Variants in DNMT3A observed in about 807,000 individuals in gnomAD.
The protein encoded by DNMT3A is DNA methyltransferase 3 alpha, also known as DNA (cytosine-5)-methyltransferase 3A.
A neutral mutation model predicts 117.6 loss-of-function variants in DNMT3A; 267 were observed. The ratio of observed to expected loss-of-function variants is 2.27; its 90% confidence interval spans 2.05 to 2.51. DNMT3A has a LOEUF of 2.51. Among genes scored for constraint, DNMT3A ranks in the 30% most tolerant of loss-of-function variants. The pLI is 0.00. For missense variants in DNMT3A, 1,029 were observed against 1,260.2 expected (o/e 0.82, Z 2.78); for synonymous variants, 432 against 474.8 (o/e 0.91, Z 1.17).
chr2:25,287,574 G>A (rs530176619), intron 3 of DNMT3A, among the ~76,000 whole-genome samples: 3 of 152,228 alleles, frequency 2.0e-5, no homozygotes, highest in African/African-American at 7.2e-5. Flanking sequence ...GGTTAAGGCC[G>A]TAGTTCTCAA....
At chr2:25,256,280 G>A (rs1676130757) in intron 6 of DNMT3A, among the ~76,000 whole-genome samples, 2 of 152,090 alleles carry the variant, frequency 1.3e-5, no homozygotes, top group South Asian at 2.1e-4. Context: ...AGGCCCCCAC[G>A]AATCTGGAGG....
chr2:25,335,934 T>A (rs572440885), intron 1 of DNMT3A, among the ~76,000 whole-genome samples: 285 of 151,240 alleles, frequency 1.9e-3, no homozygotes, highest in Admixed American at 5.5e-3. Flanking sequence ...AGGACAGGAG[T>A]AGGCAACATA....
At chr2:25,267,418 T>G (rs2030460169) in intron 6 of DNMT3A, among the ~76,000 whole-genome samples, 1 of 151,978 alleles carries the variant, frequency 6.6e-6, no homozygotes, top group Non-Finnish European at 1.5e-5. Flanking sequence ...CTACAAAAAA[T>G]TTAAAAATTA....
Position 25,252,252 on chromosome 2 carries a change from AG to A in DNMT3A, c.640-4001del, listed in dbSNP as rs1675665180. On this transcript the variant is annotated intron_variant, in intron 6 of 22. Coordinates refer to ENST00000321117, the MANE Select transcript of DNMT3A (RefSeq NM_022552.5). This position sits in a 1 kb window ranked among gnomAD's most constrained non-coding sequence, Gnocchi z 5.5. ...GCTCAGGTGTGAGCCGCGGCCCTGAAGCTCTGGAAGTAGCTGCCCGTCTTGG... is the reference window on the plus strand; with the variant it reads ...GCTCAGGTGTGAGCCGCGGCCCTGAACTCTGGAAGTAGCTGCCCGTCTTGG... The A allele has an allele frequency of 7.2e-7, 1 of 1,390,678 alleles. No homozygotes were observed. Among genetic ancestry groups the A allele is most frequent in the South Asian group, 1.3e-5 (1 of 77,178 alleles). The allele number at this position is 1,390,678 out of a possible 1,614,324, so 86.1% of individuals were successfully genotyped here. A position where few individuals can be genotyped will look rare whatever the true frequency, so the allele number is the denominator to read the frequency against.
Position 25,242,157 on chromosome 2 carries a change from G to A in DNMT3A, c.1937-450C>T, listed in dbSNP as rs1674148278. On this transcript the variant is annotated intron_variant, in intron 16 of 22. Coordinates refer to ENST00000321117, the MANE Select transcript of DNMT3A (RefSeq NM_022552.5). Reference sequence around the variant, plus strand: ...TGCCCTGCCCCACCCAGTAGCCCCTGGAATCACCGCCCCCTCCGCTATGAG... The same window carrying A: ...TGCCCTGCCCCACCCAGTAGCCCCTAGAATCACCGCCCCCTCCGCTATGAG... 3 of 179,550 alleles carry A rather than the reference G, an allele frequency of 1.7e-5. No homozygotes were observed. In the South Asian group the frequency reaches 3.5e-4, roughly 21 times the overall value. 11.1% of individuals were successfully genotyped at this position (179,550 alleles called of 1,614,324 possible).
rs1674438806 is a variant in DNMT3A, at chr2:25,244,220, G to A, written c.1786C>T (p.Arg596Trp). 9 of 1,613,894 alleles carry A rather than the reference G, an allele frequency of 5.6e-6. No individual in the cohort carries two copies. Among genetic ancestry groups the A allele is most frequent in the African/African-American group, 1.3e-5 (1 of 74,938 alleles). The change falls in exon 15 of 23, where the codon CGG (arginine) becomes TGG (tryptophan). Residue 596 changes from arginine to tryptophan, a missense_variant. By Grantham distance (101) the Arg-to-Trp change is moderately radical (BLOSUM62 -3). Coordinates refer to ENST00000321117, the MANE Select transcript of DNMT3A (RefSeq NM_022552.5). ...CGGGAGGGCCAGTCCTCTCGCCGCCGCAGCAGCCCGTAGGTACCCTTGTGC... is the reference window on the plus strand; with the variant it reads ...CGGGAGGGCCAGTCCTCTCGCCGCCACAGCAGCCCGTAGGTACCCTTGTGC... ...CGHKGTYGLL[R>W]RREDWPSRLQ... is the part of the protein sequence containing the mutation.
Position 25,234,041 on chromosome 2 carries a change from T to C in DNMT3A, c.*238A>G. ...GGGAGGAAGGGAAGGGAGCTTGGTTTTGTTTTTAAATAGGACTGAAGAATA... is the reference window on the plus strand; with the variant it reads ...GGGAGGAAGGGAAGGGAGCTTGGTTCTGTTTTTAAATAGGACTGAAGAATA... On this transcript the variant is annotated 3_prime_UTR_variant, in exon 23 of 23. Transcript: ENST00000321117. This position sits in a 1 kb window ranked among gnomAD's most constrained non-coding sequence, Gnocchi z 4.5. The C allele has an allele frequency of 2.3e-6, 1 of 442,484 alleles. No homozygotes were observed. Among genetic ancestry groups the C allele is most frequent in the Non-Finnish European group, 3.6e-6 (1 of 275,104 alleles). 27.4% of individuals were successfully genotyped at this position (442,484 alleles called of 1,614,324 possible).
rs1393738980 is a variant in DNMT3A at position 25,232,078 on chromosome 2, C to CT, written c.*2200dup. The stretch of plus-strand genomic sequence containing the variant: ...ACCGAGGCTCAGCACACTAAGCCTG[C>CT]TTCCCCCACTCCCCACCCCATAATA... On this transcript the variant is annotated 3_prime_UTR_variant, in exon 23 of 23. Coordinates refer to ENST00000321117, the MANE Select transcript of DNMT3A (RefSeq NM_022552.5). This position sits in a 1 kb window ranked among gnomAD's most constrained non-coding sequence, Gnocchi z 4.1. 2 of 152,128 alleles carry CT rather than the reference C, an allele frequency of 1.3e-5. No individual in the cohort carries two copies. Among genetic ancestry groups the CT allele is most frequent in the African/African-American group, 4.8e-5 (2 of 41,378 alleles). 9.4% of individuals were successfully genotyped at this position (152,128 alleles called of 1,614,324 possible).
In DNMT3A at chr2:25,300,203, C is replaced by A. The variant is rs369618387; in HGVS notation, c.113G>T (p.Arg38Leu). 3.1e-6 allele frequency: 5 copies of A among 1,611,752 alleles called. No homozygotes were observed. The Middle Eastern group carries it at 5.0e-4, about 160-fold the overall frequency. Residue 38 changes from arginine (R) to leucine (L), a missense_variant, in exon 3 of 23, where the codon CGC (arginine) becomes CTC (leucine). Arg to Leu is a moderately radical substitution (Grantham distance 102). Coordinates refer to ENST00000321117, the MANE Select transcript of DNMT3A (RefSeq NM_022552.5). ...EQEEPRGKEE[R>L]QEPSTTARKV... The stretch of plus-strand genomic sequence containing the variant: ...CCGTGCCGTGGTGCTGGGCTCTTGG[C>A]GCTCCTCCTTGCCACGCGGCTCCTC...
intron 1 of DNMT3A, chr2:25,328,491 CA>C: frequency 2.7e-6 from 1 of 372,878 alleles, no homozygotes; most frequent in South Asian, 2.0e-5. Context: ...ACCACCCACC[CA>C]GGGGTCATTG....
rs888256634 is a variant in DNMT3A at position 25,327,068 on chromosome 2, C to T, written c.-177-12907G>A. ...GGAGCCATCGCCACACCCTCTCCAT[C>T]AAGGTGTGGATCTCAACCCTGCGGG... On this transcript the variant is annotated intron_variant, in intron 1 of 22. Transcript: ENST00000321117. This position sits in a 1 kb window ranked among gnomAD's most constrained non-coding sequence, Gnocchi z 4.1. Among the ~76,000 whole-genome samples the T allele has an allele frequency of 6.6e-6, 1 of 152,342 alleles. No individual in the cohort carries two copies. Among genetic ancestry groups the T allele is most frequent in the East Asian group, 1.9e-4 (1 of 5,192 alleles).
At chr2:25,244,726 A>C in intron 13 of DNMT3A, 74 bp from the exon 14 acceptor site, 1 of 1,278,126 alleles carries the variant, frequency 7.8e-7, no homozygotes, top group Non-Finnish European at 1.1e-6. Context: ...GAGGCTCCAC[A>C]CCTGGCCTCA....
intron 1 of DNMT3A, among the ~76,000 whole-genome samples, chr2:25,318,987 C>T (rs2149435225): frequency 6.7e-6 from 1 of 149,148 alleles, no homozygotes; most frequent in Non-Finnish European, 1.5e-5. Context: ...GTGTGAGCCA[C>T]CACGCCTGGC....
intron 3 of DNMT3A, among the ~76,000 whole-genome samples, chr2:25,295,043 A>AC (rs780440199): frequency 5.3e-5 from 8 of 151,932 alleles, no homozygotes; most frequent in South Asian, 2.1e-4. Flanking sequence ...AGGGCCACTC[A>AC]CCCCCCAGGG....
In DNMT3A at chr2:25,300,730, T is replaced by C. The variant is rs1372190868; in HGVS notation, c.73-487A>G. 2.3e-3 allele frequency among the ~76,000 whole-genome samples: 67 copies of C among 29,698 alleles called. 3 individuals carry two copies. The highest frequency in any genetic ancestry group is 6.1e-3 in the African/African-American group (40 of 6,580). 19.5% of individuals were successfully genotyped at this position (29,698 alleles called of 152,430 possible). Reference sequence around the variant, plus strand: ...ATAATATAATATATATATATATATATATATATATATATATATATATATATA... The same window carrying C: ...ATAATATAATATATATATATATATACATATATATATATATATATATATATA... On this transcript the variant is annotated intron_variant, in intron 2 of 22. Transcript: ENST00000321117.
At position 25,281,742 on chromosome 2, in the gene DNMT3A, T is replaced by C; in HGVS notation, c.448+699A>G. On this transcript the variant is annotated intron_variant, in intron 4 of 22. Transcript: ENST00000321117. This position sits in a 1 kb window ranked among gnomAD's most constrained non-coding sequence, Gnocchi z 4.8. ...ACAGCTCGGTTGGCCCTGAAATTGC[T>C]GGCTTAACCTGAAAGAGAAAAGTGG... 8 of 1,066,008 alleles carry C rather than the reference T, an allele frequency of 7.5e-6. No individual in the cohort carries two copies. The highest frequency in any genetic ancestry group is 9.1e-6 in the Non-Finnish European group (8 of 879,698). The allele number at this position is 1,066,008 out of a possible 1,614,324, so 66.0% of individuals were successfully genotyped here.
rs898380778 is a variant in DNMT3A, at chr2:25,234,636, C to T, written c.2598-216G>A. 6.6e-5 allele frequency among the ~76,000 whole-genome samples: 10 copies of T among 152,182 alleles called. No homozygotes were observed. The highest frequency in any genetic ancestry group is 1.5e-4 in the Non-Finnish European group (10 of 68,042). ...CGGCACTCAGATCACCAACCATGTG[C>T]CAGGCACTGTGCTGGTTTCTGTGAC... On this transcript the variant is annotated intron_variant, in intron 22 of 22. Transcript: ENST00000321117. This position sits in a 1 kb window ranked among gnomAD's most constrained non-coding sequence, Gnocchi z 4.5.
In DNMT3A at chr2:25,232,268, A is replaced by G. The variant is rs1672911837; in HGVS notation, c.*2011T>C. ...CTCCCATTATAAAATATATATCTCT[A>G]TATGCCACATATCTACACCCCATCT... On this transcript the variant is annotated 3_prime_UTR_variant, in exon 23 of 23. Coordinates refer to ENST00000321117, the MANE Select transcript of DNMT3A (RefSeq NM_022552.5). This position sits in a 1 kb window ranked among gnomAD's most constrained non-coding sequence, Gnocchi z 4.1. 6.6e-6 allele frequency: 1 copy of G among 151,324 alleles called. No homozygotes were observed. The highest frequency in any genetic ancestry group is 1.5e-5 in the Non-Finnish European group (1 of 67,814). 9.4% of individuals were successfully genotyped at this position (151,324 alleles called of 1,614,324 possible).
chr2:25,276,477 T>C (rs2031419667), intron 4 of DNMT3A, among the ~76,000 whole-genome samples: 1 of 152,234 alleles, frequency 6.6e-6, no homozygotes, highest in African/African-American at 2.4e-5. Flanking sequence ...TGATTCCAGG[T>C]CCTGGCAGGG....
Sources: allele counts gnomAD v4.1 joint callset (sites outside exome capture counted in the v4.1 genomes callset), GRCh38; gene constraint gnomAD v4.1.1; non-coding constraint Gnocchi (gnomAD v3.1); transcripts MANE v1.5; gene names NCBI Gene and HGNC (gene_info 2026-07-23, HGNC 2026-07-21).